The following SORCS2 variants were observed in gnomAD, a reference collection of about 807,000 sequenced individuals.
The protein encoded by SORCS2 is VPS10 domain-containing receptor SorCS2.
In SORCS2, 100 loss-of-function variants were observed where a neutral mutation model predicts 141.6. The ratio of observed to expected loss-of-function variants is 0.71; its 90% CI spans 0.60 to 0.83. The LOEUF (loss-of-function observed/expected upper bound fraction) is 0.83. Among genes scored for constraint, SORCS2 ranks in the 40% least tolerant of loss-of-function variants. The pLI is 0.00. For missense variants in SORCS2, 1,646 were observed against 1,560.2 expected (o/e 1.05, Z -0.93); for synonymous variants, 789 against 676.9 (o/e 1.17, Z -2.57).
chr4:7,694,179 C>T (rs1018091983), intron 11 of SORCS2, among the ~76,000 whole-genome samples: 1 of 152,314 alleles, frequency 6.6e-6, no homozygotes, highest in African/African-American at 2.4e-5. Flanking sequence ...ATTCAGTGAG[C>T]ACTGACTCCT....
chr4:7,598,457 A>G (rs1717432803), intron 3 of SORCS2, among the ~76,000 whole-genome samples: 1 of 152,160 alleles, frequency 6.6e-6, no homozygotes, highest in Non-Finnish European at 1.5e-5. Flanking sequence ...TTGATGTAGG[A>G]GCTGATTAGC....
intron 10 of SORCS2, among the ~76,000 whole-genome samples, chr4:7,685,086 C>T (rs559367295): frequency 2.6e-5 from 4 of 152,356 alleles, no homozygotes; most frequent in East Asian, 1.9e-4. Context: ...TTTGTAAAAA[C>T]GCTTCCCAGA....
At chr4:7,574,240 G>A (rs771421753) in intron 3 of SORCS2, among the ~76,000 whole-genome samples, 1 of 152,254 alleles carries the variant, frequency 6.6e-6, no homozygotes, top group African/African-American at 2.4e-5. Flanking sequence ...CCTCGGAGGT[G>A]AGGTGCAGCG....
chr4:7,266,559 C>T (rs1457351503), intron 1 of SORCS2, among the ~76,000 whole-genome samples: 1 of 152,116 alleles, frequency 6.6e-6, no homozygotes, highest in Admixed American at 6.5e-5. Flanking sequence ...TCTGGGGCCC[C>T]TGTCTTTACT....
chr4:7,566,864 A>C (rs887294109), intron 3 of SORCS2, among the ~76,000 whole-genome samples: 6 of 151,320 alleles, frequency 4.0e-5, no homozygotes, highest in Admixed American at 1.3e-4. Flanking sequence ...GGATGCTGGG[A>C]AATGCAGAGG....
chr4:7,647,304 C>A (rs984509051), intron 4 of SORCS2, among the ~76,000 whole-genome samples: 1 of 152,176 alleles, frequency 6.6e-6, no homozygotes, highest in Admixed American at 6.5e-5. Context: ...ATGCATGTGG[C>A]AGCAAAGGAG....
chr4:7,620,241 T>C (rs889157629), intron 3 of SORCS2, among the ~76,000 whole-genome samples: 6 of 152,206 alleles, frequency 3.9e-5, no homozygotes, highest in Non-Finnish European at 8.8e-5. Flanking sequence ...TTGTTTTCTT[T>C]GGTCTAAAAA....
intron 2 of SORCS2, among the ~76,000 whole-genome samples, chr4:7,416,242 G>C (rs1725657983): frequency 6.6e-6 from 1 of 152,146 alleles, no homozygotes; most frequent in Non-Finnish European, 1.5e-5. Context: ...GTTCGTAGGG[G>C]ACAGGGAGGA....
chr4:7,380,293 T>C (rs561946039), intron 1 of SORCS2, among the ~76,000 whole-genome samples: 3 of 151,694 alleles, frequency 2.0e-5, no homozygotes, highest in Non-Finnish European at 4.4e-5. Context: ...ACAAGTAACA[T>C]TCACAGGGGA....
At chr4:7,310,149 T>C (rs762533190) in intron 1 of SORCS2, among the ~76,000 whole-genome samples, 1 of 152,178 alleles carries the variant, frequency 6.6e-6, no homozygotes, top group African/African-American at 2.4e-5. Context: ...GTCATGCTTG[T>C]GCGTGGAGAG....
chr4:7,356,751 C>G (rs1488921847), intron 1 of SORCS2, among the ~76,000 whole-genome samples: 2 of 152,236 alleles, frequency 1.3e-5, no homozygotes, highest in Non-Finnish European at 2.9e-5. Context: ...CTGTCCTGTT[C>G]AAAGCCATGT....
At chr4:7,660,164 C>G (rs533808045) in intron 5 of SORCS2, among the ~76,000 whole-genome samples, 184 of 152,368 alleles carry the variant, frequency 1.2e-3, no homozygotes, top group Non-Finnish European at 2.0e-3. Flanking sequence ...GACTCAGGAC[C>G]TGGCTTTTGC....
In SORCS2 at chr4:7,689,469, C is replaced by T. The variant is rs756274430; in HGVS notation, c.1489-17C>T. ...CTACTCATGTGTTGACAGTTGCGTCCTTTCTCTTCCTTGCAGCCAGACTGC... is the reference window on the plus strand; with the variant it reads ...CTACTCATGTGTTGACAGTTGCGTCTTTTCTCTTCCTTGCAGCCAGACTGC... On this transcript the variant is annotated splice_polypyrimidine_tract_variant and intron_variant, in intron 10 of 26. Coordinates refer to ENST00000507866, the MANE Select transcript of SORCS2 (RefSeq NM_020777.3). 1.9e-6 allele frequency: 3 copies of T among 1,577,792 alleles called. No individual in the cohort carries two copies. The highest frequency in any genetic ancestry group is 2.6e-6 in the Non-Finnish European group (3 of 1,162,270).
At chr4:7,312,316 A>G (rs11722747) in intron 1 of SORCS2, among the ~76,000 whole-genome samples, 122,628 of 152,186 alleles carry the variant, frequency 0.81, 49,913 homozygotes, top group South Asian at 0.88. Flanking sequence ...GCACCGATCA[A>G]CCCTCAGCTG....
chr4:7,716,780 C>T (rs887160349), intron 17 of SORCS2, among the ~76,000 whole-genome samples: 2 of 152,246 alleles, frequency 1.3e-5, no homozygotes, highest in African/African-American at 4.8e-5. Flanking sequence ...TCCACCTGGG[C>T]TTGACAACAG....
At chr4:7,469,577 C>T (rs1172313169) in intron 2 of SORCS2, among the ~76,000 whole-genome samples, 2 of 152,220 alleles carry the variant, frequency 1.3e-5, no homozygotes, top group Non-Finnish European at 2.9e-5. Flanking sequence ...TAGCTTCCTT[C>T]CAGCCCCACT....
chr4:7,450,102 C>T (rs979610446), intron 2 of SORCS2, among the ~76,000 whole-genome samples: 1 of 152,200 alleles, frequency 6.6e-6, no homozygotes, highest in Non-Finnish European at 1.5e-5. Flanking sequence ...TTGGTGCCTT[C>T]GGGACCTGGG....
intron 4 of SORCS2, among the ~76,000 whole-genome samples, chr4:7,653,250 A>G (rs1056568999): frequency 2.0e-5 from 3 of 150,600 alleles, no homozygotes; most frequent in African/African-American, 7.3e-5. Flanking sequence ...TAAAGACACA[A>G]TTTTTTTTTT....
At chr4:7,716,709 A>G (rs112132970) in intron 17 of SORCS2, among the ~76,000 whole-genome samples, 1 of 152,114 alleles carries the variant, frequency 6.6e-6, no homozygotes, top group African/African-American at 2.4e-5. Context: ...CCATCCATCT[A>G]CTTATCTACC....
Sources: gnomAD v4.1 joint callset for allele counts (sites outside exome capture counted in the v4.1 genomes callset) on GRCh38, gnomAD v4.1.1 for gene constraint, MANE v1.5 for transcripts, NCBI Gene and HGNC (gene_info 2026-07-23, HGNC 2026-07-21) for gene names.